Variants in MACROH2A2 observed in about 807,000 individuals in gnomAD.
MACROH2A2 encodes macroH2A.2 histone.
Under a neutral mutation model 37.6 loss-of-function variants are expected in MACROH2A2, and 6 were observed. The observed-to-expected ratio is 0.16, with a 90% CI of 0.09 to 0.32. MACROH2A2 has a LOEUF of 0.32. MACROH2A2 is among the 10% of genes least tolerant of loss of function. MACROH2A2 has a pLI of 1.00. For missense variants in MACROH2A2, 290 were observed against 485.9 expected (o/e 0.60, Z 3.79); for synonymous variants, 192 against 202.7 (o/e 0.95, Z 0.45).
rs541006627 is a variant in MACROH2A2 at position 70,055,320 on chromosome 10, A to G, written c.-60+2320A>G. The stretch of plus-strand genomic sequence containing the variant: ...TCCAAGTTAGATGCAGTCTTGGTAA[A>G]TGGAAAGTATATTGCACAGAGATTA... On this transcript the variant is annotated intron_variant, in intron 1 of 8. Coordinates refer to ENST00000373255, the MANE Select transcript of MACROH2A2 (RefSeq NM_018649.3). Among the ~76,000 whole-genome samples, 12 of 152,370 alleles carry G rather than the reference A, an allele frequency of 7.9e-5. No homozygotes were observed. The South Asian group carries it at 2.1e-3, about 26-fold the overall frequency.
At chr10:70,090,633 C>A (rs751103704) in intron 3 of MACROH2A2, among the ~76,000 whole-genome samples, 1 of 152,150 alleles carries the variant, frequency 6.6e-6, no homozygotes, top group African/African-American at 2.4e-5. Context: ...ATTTTTATTT[C>A]TGTTTCTTTT....
intron 7 of MACROH2A2, among the ~76,000 whole-genome samples, chr10:70,106,940 A>C (rs1351606560): frequency 6.6e-6 from 1 of 152,200 alleles, no homozygotes; most frequent in Non-Finnish European, 1.5e-5. Flanking sequence ...AATAGCAGCC[A>C]GGTGCTCGGG....
rs2072300199 is a variant in MACROH2A2 at position 70,100,546 on chromosome 10, T to C, written c.778+249T>C. Among the ~76,000 whole-genome samples the C allele has an allele frequency of 3.9e-5, 6 of 152,252 alleles. 1 individual carries two copies. In the South Asian group the frequency reaches 1.0e-3, roughly 26 times the overall value. ...GATCCCCCAAAATGGTCTAGAGCCA[T>C]TGGGTGAACTTTGCATGTGTGTGAT... On this transcript the variant is annotated intron_variant, in intron 7 of 8. Coordinates refer to ENST00000373255, the MANE Select transcript of MACROH2A2 (RefSeq NM_018649.3).
chr10:70,109,058 C>T lies in MACROH2A2; in HGVS notation c.804C>T (p.Leu268=), dbSNP rs770717622. The T allele has an allele frequency of 1.4e-5, 23 of 1,614,048 alleles. No homozygotes were observed. The highest frequency in any genetic ancestry group is 6.7e-5 in the Admixed American group (4 of 60,000). The change falls in exon 8 of 9, where the codon CTC becomes CTT. Residue 268 remains leucine, a synonymous_variant. Transcript: ENST00000373255. ...AEAAVSQSSG[L]AAKFVIHCHI... is the part of the protein sequence containing the mutation. ...CCGCCGTCAGCCAATCCAGTGGACT[C>T]GCAGCCAAATTTGTCATCCACTGTC...
At position 70,075,644 on chromosome 10, in the gene MACROH2A2, G is replaced by A. The variant is rs765159953; in HGVS notation, c.-15G>A. 13 of 1,613,476 alleles carry A rather than the reference G, an allele frequency of 8.1e-6. No individual in the cohort carries two copies. The South Asian group carries it at 1.4e-4, about 18-fold the overall frequency. ...GGCCACTGTGTCAGCAAGCTGAGAG[G>A]GAAACTGAAGCAAGATGTCGGGCCG... is the stretch of plus-strand genomic sequence containing the variant. On this transcript the variant is annotated 5_prime_UTR_variant, in exon 2 of 9. Transcript: ENST00000373255. This position sits in a 1 kb window ranked among gnomAD's most constrained non-coding sequence, Gnocchi z 5.0.
At chr10:70,103,312 T>A (rs1372534451) in intron 7 of MACROH2A2, among the ~76,000 whole-genome samples, 1 of 151,990 alleles carries the variant, frequency 6.6e-6, no homozygotes, top group Non-Finnish European at 1.5e-5. Flanking sequence ...CCTGATAGGG[T>A]GCAAAGGAGA....
At chr10:70,110,919 TA>T (rs2072368891) in intron 8 of MACROH2A2, among the ~76,000 whole-genome samples, 1 of 151,386 alleles carries the variant, frequency 6.6e-6, no homozygotes, top group African/African-American at 2.4e-5. Context: ...AAAAGTATAA[TA>T]AAAAATAAAA....
intron 6 of MACROH2A2, among the ~76,000 whole-genome samples, chr10:70,097,097 T>G (rs2072280763): frequency 6.6e-6 from 1 of 152,196 alleles, no homozygotes; most frequent in African/African-American, 2.4e-5. Context: ...AGCACTGGTC[T>G]GGGAGCAAAA....
In MACROH2A2 at chr10:70,111,843, A is replaced by G. The variant is rs889947743; in HGVS notation, c.*160A>G. ...CCTCTGCCCTTCACACTCTCCTCCAAAAGAGCCTCCATCTGTAAGGAAGCA... is the reference window on the plus strand; with the variant it reads ...CCTCTGCCCTTCACACTCTCCTCCAGAAGAGCCTCCATCTGTAAGGAAGCA... On this transcript the variant is annotated 3_prime_UTR_variant, in exon 9 of 9. Transcript: ENST00000373255. 2 of 474,912 alleles carry G rather than the reference A, an allele frequency of 4.2e-6. No homozygotes were observed. Among genetic ancestry groups the G allele is most frequent in the East Asian group, 3.5e-5 (1 of 28,948 alleles). 29.4% of individuals were successfully genotyped at this position (474,912 alleles called of 1,614,324 possible).
chr10:70,102,773 A>G (rs2072314202), intron 7 of MACROH2A2, among the ~76,000 whole-genome samples: 1 of 152,174 alleles, frequency 6.6e-6, no homozygotes, highest in African/African-American at 2.4e-5. Flanking sequence ...TAGTCCAGAA[A>G]GAACAAGAGC....
intron 1 of MACROH2A2, among the ~76,000 whole-genome samples, chr10:70,060,952 A>C (rs1435518061): frequency 1.3e-5 from 2 of 151,768 alleles, no homozygotes; most frequent in East Asian, 1.9e-4. Flanking sequence ...ACTGCACTCC[A>C]GCCTGGGTGA....
chr10:70,108,036 T>C (rs1282483987), intron 7 of MACROH2A2, among the ~76,000 whole-genome samples: 2 of 152,074 alleles, frequency 1.3e-5, no homozygotes, highest in Non-Finnish European at 2.9e-5. Flanking sequence ...CTGGGCAACA[T>C]AGCAAAACCT....
In MACROH2A2 at chr10:70,109,057, T is replaced by TC. The variant is rs1473843867; in HGVS notation, c.804dup (p.Ala269ArgfsTer19). ...GCCGCCGTCAGCCAATCCAGTGGAC[T>TC]CGCAGCCAAATTTGTCATCCACTGT... On this transcript the variant is annotated frameshift_variant, in exon 8 of 9. Transcript: ENST00000373255. LOFTEE classifies it high-confidence loss of function. The TC allele has an allele frequency of 6.2e-7, 1 of 1,614,226 alleles. No homozygotes were observed.
intron 2 of MACROH2A2, among the ~76,000 whole-genome samples, chr10:70,079,077 A>G (rs2072157418): frequency 6.6e-6 from 1 of 152,190 alleles, no homozygotes; most frequent in African/African-American, 2.4e-5. Context: ...ACAAGAAGGA[A>G]ACGCCTCACA....
Position 70,111,674 on chromosome 10 carries a change from C to G in MACROH2A2, c.1110C>G (p.Asp370Glu), listed in dbSNP as rs149157989. 1.2e-6 allele frequency: 2 copies of G among 1,605,284 alleles called. No homozygotes were observed. Among genetic ancestry groups the G allele is most frequent in the Non-Finnish European group, 1.7e-6 (2 of 1,175,018 alleles). ...GIYVQEMAKL[D>E]AK ...ACGTGCAGGAGATGGCCAAGCTCGA[C>G]GCCAAGTAGCCGCCGCACTTTCCAG... The change falls in exon 9 of 9, where the codon GAC becomes GAG. Residue 370 changes from aspartate (D) to glutamate (E), a missense_variant. Asp to Glu is a conservative substitution (Grantham distance 45, BLOSUM62 2). Coordinates refer to ENST00000373255, the MANE Select transcript of MACROH2A2 (RefSeq NM_018649.3).
intron 7 of MACROH2A2, among the ~76,000 whole-genome samples, chr10:70,105,068 G>A (rs1243861820): frequency 6.6e-6 from 1 of 152,232 alleles, no homozygotes; most frequent in Non-Finnish European, 1.5e-5. Context: ...CTGGAGCTAA[G>A]GTAAGTCCAG....
Position 70,101,407 on chromosome 10 carries a change from C to T in MACROH2A2, c.778+1110C>T, listed in dbSNP as rs533621573. On this transcript the variant is annotated intron_variant, in intron 7 of 8. Coordinates refer to ENST00000373255, the MANE Select transcript of MACROH2A2 (RefSeq NM_018649.3). ...GCAAGTCTAGACACATTCAGAGCCA[C>T]GAGCCCTGGATTCTATCCAAGCCAC... 7.3e-4 allele frequency among the ~76,000 whole-genome samples: 111 copies of T among 152,262 alleles called. 3 individuals are homozygous for T. The South Asian group carries it at 0.021, about 29-fold the overall frequency.
At chr10:70,067,800 G>A (rs1204167509) in intron 1 of MACROH2A2, among the ~76,000 whole-genome samples, 1 of 152,180 alleles carries the variant, frequency 6.6e-6, no homozygotes, top group East Asian at 1.9e-4. Flanking sequence ...GTCAGAAACA[G>A]AGATTGGAGT....
At chr10:70,069,951 G>A (rs749276191) in intron 1 of MACROH2A2, among the ~76,000 whole-genome samples, 9 of 152,152 alleles carry the variant, frequency 5.9e-5, no homozygotes, top group Admixed American at 3.3e-4. Flanking sequence ...GGGGAGAGGT[G>A]GTCTTTAGAA....
Sources: allele counts gnomAD v4.1 joint callset (sites outside exome capture counted in the v4.1 genomes callset), GRCh38; gene constraint gnomAD v4.1.1; non-coding constraint Gnocchi (gnomAD v3.1); transcripts MANE v1.5; gene names NCBI Gene and HGNC (gene_info 2026-07-23, HGNC 2026-07-21).